Variants in C19orf47 observed in about 807,000 individuals in gnomAD.
C19orf47 encodes uncharacterized protein C19orf47.
A neutral mutation model predicts 32.3 loss-of-function variants in C19orf47; 18 were observed. That is an observed-to-expected ratio of 0.56 (90% confidence interval 0.39 to 0.83). The LOEUF is 0.83. Ranked by LOEUF, C19orf47 falls within the 40% of genes least tolerant of loss-of-function variation. C19orf47 has a pLI of 0.00. For synonymous variants in C19orf47, 202 were observed against 211.1 expected, an observed-to-expected ratio of 0.96 and a Z score of 0.37; for missense variants, 484 against 531.6, an observed-to-expected ratio of 0.91 and a Z score of 0.88.
At chr19:40,323,933 TAA>T (rs2077773638) in intron 8 of C19orf47, 71 bp downstream of exon 8, 12 of 1,574,416 alleles carry the variant, frequency 7.6e-6, no homozygotes, top group African/African-American at 1.3e-5. Flanking sequence ...TGAGATGTGT[TAA>T]AGAGTCAGGA....
chr19:40,305,859 G>C, the C19orf47 span, among the ~76,000 whole-genome samples: 1 of 152,054 alleles, frequency 6.6e-6, no homozygotes, highest in East Asian at 1.9e-4. Context: ...TTATGAAAGA[G>C]AATGTTCGGC....
Position 40,333,872 on chromosome 19 carries a change from C to A in C19orf47, c.280G>T (p.Glu94Ter). ...VPCSPSPLAG[E>*]IRRGTSAASR... ...TCACCACTGGTGCCACGGCGAATTT[C>A]GCCTGCAAGGGGGCTAGGGCTGCAG... Residue 94 changes from glutamate to a stop codon, truncating the protein, a stop_gained, in exon 5 of 9, where the codon GAA becomes TAA. Transcript: ENST00000683109. LOFTEE classifies it high-confidence loss of function. The A allele has an allele frequency of 1.3e-6, 2 of 1,577,950 alleles. No homozygotes were observed. Among genetic ancestry groups the A allele is most frequent in the East Asian group, 2.3e-5 (1 of 43,774 alleles).
At chr19:40,339,461 A>G (rs1439036687) in intron 2 of C19orf47, among the ~76,000 whole-genome samples, 1 of 152,210 alleles carries the variant, frequency 6.6e-6, no homozygotes, top group Non-Finnish European at 1.5e-5. Flanking sequence ...TAATAATGCA[A>G]TATCCATTGA....
the C19orf47 span, among the ~76,000 whole-genome samples, chr19:40,312,629 G>A: frequency 6.6e-6 from 1 of 152,184 alleles, no homozygotes; most frequent in Non-Finnish European, 1.5e-5. Context: ...CTGTAAGGAA[G>A]CACAGGCCAC....
Position 40,345,848 on chromosome 19 carries a change from C to CAAAAA in C19orf47, c.-34+2471_-34+2475dup, listed in dbSNP as rs35848570. ...TGGGCAACAGAGCAAGACTCAGTCT[C>CAAAAA]AAAAAAAAAAAAAAAAAAAGGAAAG... On this transcript the variant is annotated intron_variant, in intron 1 of 8. Coordinates refer to ENST00000683109, the MANE Select transcript of C19orf47 (RefSeq NM_001256441.2). Among the ~76,000 whole-genome samples the CAAAAA allele has an allele frequency of 2.7e-5, 2 of 75,232 alleles. 1 individual carries two copies. The highest frequency in any genetic ancestry group is 7.4e-4 in the East Asian group (2 of 2,702). The allele number at this position is 75,232 out of a possible 152,430, so 49.4% of individuals were successfully genotyped here.
At chr19:40,327,682 G>C (rs544509890) in intron 6 of C19orf47, among the ~76,000 whole-genome samples, 1 of 152,246 alleles carries the variant, frequency 6.6e-6, no homozygotes, top group African/African-American at 2.4e-5. Context: ...AGAGCATGGT[G>C]GACGGGAAGG....
intron 2 of C19orf47, among the ~76,000 whole-genome samples, chr19:40,341,007 T>C (rs4239507): frequency 0.97 from 145,130 of 148,966 alleles, 70,722 homozygotes; most frequent in African/African-American, 0.99. Flanking sequence ...TATACTCAGA[T>C]TTTGCTTTTT....
chr19:40,294,504 T>C, the C19orf47 span, among the ~76,000 whole-genome samples: 7 of 152,266 alleles, frequency 4.6e-5, no homozygotes, highest in Admixed American at 3.9e-4. Context: ...TATTTTCCCA[T>C]GTCTGTGTCT....
At chr19:40,303,785 C>T in the C19orf47 span, among the ~76,000 whole-genome samples, 52,186 of 126,430 alleles carry the variant, frequency 0.41, 11,780 homozygotes, top group South Asian at 0.64. Flanking sequence ...GCCTGGGCGA[C>T]AGAACGAGAC....
chr19:40,306,871 C>T, the C19orf47 span, among the ~76,000 whole-genome samples: 1 of 148,640 alleles, frequency 6.7e-6, no homozygotes, highest in Non-Finnish European at 1.5e-5. Flanking sequence ...TCACTGCAGG[C>T]TCCGCCCCCC....
At position 40,341,879 on chromosome 19, in the gene C19orf47, G is replaced by A; in HGVS notation, c.-22C>T. The A allele has an allele frequency of 6.5e-7, 1 of 1,536,224 alleles. No individual in the cohort carries two copies. The highest frequency in any genetic ancestry group is 8.7e-7 in the Non-Finnish European group (1 of 1,146,912). ...CCATCGTCTCCCTGGCCCTGACACT[G>A]CTCCCTGGAGCCTGAAAGAGAAGAG... On this transcript the variant is annotated 5_prime_UTR_variant, in exon 2 of 9. Transcript: ENST00000683109.
chr19:40,348,501 G>A, upstream of C19orf47: 3 of 1,495,998 alleles, frequency 2.0e-6, no homozygotes, highest in Non-Finnish European at 2.7e-6. Context: ...CAGCGAGAGT[G>A]CGGCCATAAC....
Position 40,321,728 on chromosome 19 carries a change from G to C in C19orf47, c.*154C>G. ...ACCATCCCAGGCTAGGAGAAATGGG[G>C]TGATCCCCCGAATGCTCGGGCCTAG... is the stretch of plus-strand genomic sequence containing the variant. On this transcript the variant is annotated 3_prime_UTR_variant, in exon 9 of 9. Coordinates refer to ENST00000683109, the MANE Select transcript of C19orf47 (RefSeq NM_001256441.2). 1 of 1,429,452 alleles carries C rather than the reference G, an allele frequency of 7.0e-7. No homozygotes were observed. The highest frequency in any genetic ancestry group is 9.1e-7 in the Non-Finnish European group (1 of 1,097,020). 88.5% of individuals were successfully genotyped at this position (1,429,452 alleles called of 1,614,324 possible).
At position 40,337,444 on chromosome 19, in the gene C19orf47, C is replaced by A. The variant is rs916296961; in HGVS notation, c.20-1037G>T. Among the ~76,000 whole-genome samples, 8 of 151,764 alleles carry A rather than the reference C, an allele frequency of 5.3e-5. No individual in the cohort carries two copies. The East Asian group carries it at 1.5e-3, about 29-fold the overall frequency. ...GGTGGGTGTGACCCTCAAACTGACCCCAACCTGCCAGGCCAGGTGATAGCT... is the reference window on the plus strand; with the variant it reads ...GGTGGGTGTGACCCTCAAACTGACCACAACCTGCCAGGCCAGGTGATAGCT... On this transcript the variant is annotated intron_variant, in intron 2 of 8. Transcript: ENST00000683109.
intron 5 of C19orf47, among the ~76,000 whole-genome samples, chr19:40,331,009 G>A (rs1236799469): frequency 6.6e-6 from 1 of 152,160 alleles, no homozygotes; most frequent in Non-Finnish European, 1.5e-5. Flanking sequence ...TCTGTGAATG[G>A]CACCCCACTG....
chr19:40,343,086 A>G (rs1445238369), intron 1 of C19orf47, among the ~76,000 whole-genome samples: 1 of 152,184 alleles, frequency 6.6e-6, no homozygotes, highest in Non-Finnish European at 1.5e-5. Context: ...ATGCGACTCC[A>G]GGATCATGGG....
At chr19:40,337,322 A>ATTATT (rs1568621554) in intron 2 of C19orf47, among the ~76,000 whole-genome samples, 4 of 149,812 alleles carry the variant, frequency 2.7e-5, no homozygotes, top group Middle Eastern at 3.5e-3. Flanking sequence ...TATTATTATT[A>ATTATT]CTATTACTCC....
downstream of C19orf47, among the ~76,000 whole-genome samples, chr19:40,318,677 C>G (rs919005806): frequency 6.6e-6 from 1 of 152,150 alleles, no homozygotes; most frequent in African/African-American, 2.4e-5. Flanking sequence ...TGAGGGCCAG[C>G]ATTTGCTGTC....
chr19:40,297,425 G>A, the C19orf47 span, among the ~76,000 whole-genome samples: 6 of 152,054 alleles, frequency 3.9e-5, no homozygotes, highest in Non-Finnish European at 7.4e-5. Flanking sequence ...AAAGTTAGCC[G>A]GGCGTGGTGG....
Sources: gnomAD v4.1 joint callset for allele counts (sites outside exome capture counted in the v4.1 genomes callset) on GRCh38, gnomAD v4.1.1 for gene constraint, MANE v1.5 for transcripts, NCBI Gene and HGNC (gene_info 2026-07-23, HGNC 2026-07-21) for gene names.